Variants in KCNG3 observed in about 807,000 individuals in gnomAD.
KCNG3 encodes potassium voltage-gated channel modifier subfamily G member 3.
Under a neutral mutation model 29.0 loss-of-function variants are expected in KCNG3, and 15 were observed. That is an observed-to-expected ratio of 0.52 (90% CI 0.35 to 0.80). The LOEUF is 0.80. KCNG3 is among the 30% of genes least tolerant of loss of function. The probability of loss-of-function intolerance (pLI) is 0.01; values close to 1 mark genes in which losing one functional copy is unlikely to be tolerated. For missense variants in KCNG3, 512 were observed against 605.7 expected, an observed-to-expected ratio of 0.85 and a Z score of 1.62; for synonymous variants, 322 against 248.9, an observed-to-expected ratio of 1.29 and a Z score of -2.76.
rs1672547470 is a variant in KCNG3, at chr2:42,444,209, G to C, written c.1036C>G (p.His346Asp). The change falls in exon 2 of 2, where the codon CAT becomes GAT. Residue 346 changes from histidine to aspartate, a missense_variant. Physicochemically the swap from His to Asp is moderately conservative, Grantham distance 81 (BLOSUM62 -1). Transcript: ENST00000306078. The surrounding 1 kb of genome is among the most constrained non-coding windows in gnomAD (Gnocchi z 5.8). ...TTGGATGTTTCCAGGTCCAGCCCAT[G>C]TTCAAGAAGCTGAGAAAGTGCACTA... is the stretch of plus-strand genomic sequence containing the variant. ...IFSALSQLLE[H>D]GLDLETSNKD... 4.3e-6 allele frequency: 7 copies of C among 1,614,144 alleles called. No individual in the cohort carries two copies. The highest frequency in any genetic ancestry group is 5.9e-6 in the Non-Finnish European group (7 of 1,180,036).
In KCNG3 at chr2:42,476,193, C is replaced by T. The variant is rs142010852; in HGVS notation, c.665+16644G>A. The stretch of plus-strand genomic sequence containing the variant: ...TCTGTTACAAATTTTACAACCAGGC[C>T]GGGCGCAGTGACTCAAACCTGTTAT... On this transcript the variant is annotated intron_variant, in intron 1 of 1. Coordinates refer to ENST00000306078, the MANE Select transcript of KCNG3 (RefSeq NM_133329.6). 6.4e-3 allele frequency among the ~76,000 whole-genome samples: 975 copies of T among 151,998 alleles called. 15 individuals are homozygous for T. The highest frequency in any genetic ancestry group is 0.023 in the African/African-American group (933 of 41,460).
At chr2:42,430,265 G>T in the KCNG3 span, among the ~76,000 whole-genome samples, 1 of 151,700 alleles carries the variant, frequency 6.6e-6, no homozygotes, top group Non-Finnish European at 1.5e-5. Context: ...CTGCTTGGGA[G>T]GCTGAAGTGG....
chr2:42,425,600 T>G, the KCNG3 span, among the ~76,000 whole-genome samples: 2 of 152,052 alleles, frequency 1.3e-5, no homozygotes, highest in African/African-American at 2.4e-5. Context: ...CAGCAGCATT[T>G]AGAAGGTATA....
chr2:42,428,916 T>A, the KCNG3 span, among the ~76,000 whole-genome samples: 5 of 151,894 alleles, frequency 3.3e-5, no homozygotes, highest in Admixed American at 6.6e-5. Context: ...GTCAGGAGTT[T>A]GAGACCAGCC....
At chr2:42,396,405 T>C in the KCNG3 span, among the ~76,000 whole-genome samples, 1 of 152,230 alleles carries the variant, frequency 6.6e-6, no homozygotes, top group African/African-American at 2.4e-5. Flanking sequence ...TGGGATTTCA[T>C]TGTCCTATTT....
intron 1 of KCNG3, among the ~76,000 whole-genome samples, chr2:42,453,903 G>A (rs917157716): frequency 2.6e-5 from 4 of 152,012 alleles, no homozygotes; most frequent in Admixed American, 6.6e-5. Flanking sequence ...GAGATAAAGG[G>A]TCTAGTTTCT....
intron 1 of KCNG3, among the ~76,000 whole-genome samples, chr2:42,476,943 T>C (rs569318580): frequency 6.8e-6 from 1 of 146,340 alleles, no homozygotes; most frequent in Admixed American, 6.8e-5. Context: ...CCCAGCACTT[T>C]GGGAGGCTGA....
chr2:42,444,440 C>A lies in KCNG3; in HGVS notation c.805G>T (p.Val269Leu), dbSNP rs1478203383. The A allele has an allele frequency of 6.2e-7, 1 of 1,614,024 alleles. No homozygotes were observed. Among genetic ancestry groups the A allele is most frequent in the African/African-American group, 1.3e-5 (1 of 74,916 alleles). The change falls in exon 2 of 2, where the codon GTG becomes TTG. Residue 269 changes from valine to leucine, a missense_variant. Physicochemically the swap from Val to Leu is conservative, Grantham distance 32 (BLOSUM62 1). Transcript: ENST00000306078. This position sits in a 1 kb window ranked among gnomAD's most constrained non-coding sequence, Gnocchi z 5.8. ...LLAITPYYIS[V>L]LMTVFTGENS... ...TCGCCTGTAAACACTGTCATCAACA[C>A]AGAGATGTAATACGGCGTGATTGCC... is the stretch of plus-strand genomic sequence containing the variant.
At chr2:42,452,491 C>A (rs1215115163) in intron 1 of KCNG3, among the ~76,000 whole-genome samples, 1 of 150,902 alleles carries the variant, frequency 6.6e-6, no homozygotes, top group African/African-American at 2.4e-5. Flanking sequence ...TTTTTTTTAA[C>A]CATTAACCAT....
intron 1 of KCNG3, among the ~76,000 whole-genome samples, chr2:42,487,347 C>T (rs1158755924): frequency 5.1e-5 from 6 of 116,956 alleles, no homozygotes; most frequent in East Asian, 2.5e-4. Flanking sequence ...TTTTTTCTTT[C>T]TTTTTTTTTT....
rs57415782 is a variant in KCNG3, at chr2:42,472,503, AT to A, written c.665+20333del. On this transcript the variant is annotated intron_variant, in intron 1 of 1. Coordinates refer to ENST00000306078, the MANE Select transcript of KCNG3 (RefSeq NM_133329.6). ...GAGGCACTCAGTAAACTTCGACTGC[AT>A]TTTTTTTTTTTTTGAGACAAGGACT... Among the ~76,000 whole-genome samples the A allele has an allele frequency of 3.1e-3, 443 of 143,908 alleles. 1 individual carries two copies. Among genetic ancestry groups the A allele is most frequent in the South Asian group, 0.016 (73 of 4,566 alleles). 94.4% of individuals were successfully genotyped at this position (143,908 alleles called of 152,430 possible).
chr2:42,455,045 T>A (rs1343218696), intron 1 of KCNG3, among the ~76,000 whole-genome samples: 2 of 152,260 alleles, frequency 1.3e-5, no homozygotes, highest in African/African-American at 2.4e-5. Flanking sequence ...AAATTTTATA[T>A]TATGTATATT....
intron 1 of KCNG3, among the ~76,000 whole-genome samples, chr2:42,460,235 T>C (rs1672982697): frequency 6.6e-6 from 1 of 151,906 alleles, no homozygotes; most frequent in Admixed American, 6.6e-5. Flanking sequence ...TGCACGCCTG[T>C]AGCCCTAGCT....
At chr2:42,454,077 A>G (rs1416266341) in intron 1 of KCNG3, among the ~76,000 whole-genome samples, 1 of 139,082 alleles carries the variant, frequency 7.2e-6, no homozygotes, top group Admixed American at 7.8e-5. Context: ...AACCACAATG[A>G]GGATGGCTAC....
At chr2:42,477,596 G>A (rs1446117525) in intron 1 of KCNG3, among the ~76,000 whole-genome samples, 1 of 151,532 alleles carries the variant, frequency 6.6e-6, no homozygotes, top group Non-Finnish European at 1.5e-5. Flanking sequence ...ATTTGTGTCG[G>A]GGTCGGACAT....
At chr2:42,402,822 C>G in the KCNG3 span, among the ~76,000 whole-genome samples, 1 of 152,152 alleles carries the variant, frequency 6.6e-6, no homozygotes, top group African/African-American at 2.4e-5. Context: ...GCCTTGATTT[C>G]TGGTACTAAT....
chr2:42,398,364 G>A, the KCNG3 span, among the ~76,000 whole-genome samples: 29 of 152,194 alleles, frequency 1.9e-4, no homozygotes, highest in African/African-American at 6.5e-4. Flanking sequence ...GGTGGCCCTT[G>A]TTTTGCTCAA....
intron 1 of KCNG3, among the ~76,000 whole-genome samples, chr2:42,448,164 G>C (rs1369145988): frequency 6.6e-6 from 1 of 152,116 alleles, no homozygotes; most frequent in African/African-American, 2.4e-5. Context: ...TGTATCACTT[G>C]CTCACAAAGG....
chr2:42,478,259 A>C (rs563620046), intron 1 of KCNG3, among the ~76,000 whole-genome samples: 1 of 152,120 alleles, frequency 6.6e-6, no homozygotes, highest in East Asian at 1.9e-4. Context: ...TTTTTGAGAT[A>C]GGGTCTCACT....
Sources: gnomAD v4.1 joint callset for allele counts (sites outside exome capture counted in the v4.1 genomes callset) on GRCh38, gnomAD v4.1.1 for gene constraint, Gnocchi (gnomAD v3.1) non-coding constraint, MANE v1.5 for transcripts, NCBI Gene and HGNC (gene_info 2026-07-23, HGNC 2026-07-21) for gene names.